ATP9B: variants seen among roughly 807,000 people sequenced by gnomAD.
The protein encoded by ATP9B is ATPase phospholipid transporting 9B, also known as probable phospholipid-transporting ATPase IIB.
Under a neutral mutation model 146.1 loss-of-function variants are expected in ATP9B, and 110 were observed. The ratio of observed to expected loss-of-function variants is 0.75; its 90% CI spans 0.65 to 0.88. ATP9B has a LOEUF of 0.88. Ranked by LOEUF, ATP9B falls within the 40% of genes least tolerant of loss-of-function variation. The pLI is 0.00. For missense variants in ATP9B, 1,499 were observed against 1,496.4 expected, an observed-to-expected ratio of 1.00 and a Z score of -0.03; for synonymous variants, 604 against 569.7, an observed-to-expected ratio of 1.06 and a Z score of -0.86.
In ATP9B at chr18:79,344,364, G is replaced by GACCC; in HGVS notation, c.2472+11_2472+14dup. On this transcript the variant is annotated intron_variant, in intron 21 of 29. Transcript: ENST00000426216. The stretch of plus-strand genomic sequence containing the variant: ...TGGGGACTCTCTGGAGGTAAGGCTG[G>GACCC]ACCCTGAGTGAGTACATGTCTGTCT... 6.2e-7 allele frequency: 1 copy of GACCC among 1,612,722 alleles called. No homozygotes were observed. The highest frequency in any genetic ancestry group is 8.5e-7 in the Non-Finnish European group (1 of 1,178,794).
intron 8 of ATP9B, among the ~76,000 whole-genome samples, chr18:79,178,100 A>G (rs907221443): frequency 6.6e-6 from 1 of 152,122 alleles, no homozygotes; most frequent in Non-Finnish European, 1.5e-5. Flanking sequence ...GCTATTAAAT[A>G]GTGAAGTTAT....
At chr18:79,114,557 A>C (rs1328472283) in intron 4 of ATP9B, among the ~76,000 whole-genome samples, 1 of 152,228 alleles carries the variant, frequency 6.6e-6, no homozygotes, top group Non-Finnish European at 1.5e-5. Flanking sequence ...TTTACCTGTT[A>C]GTAAAGCCAT....
chr18:79,219,483 A>G (rs372041442), intron 11 of ATP9B, among the ~76,000 whole-genome samples: 5 of 152,186 alleles, frequency 3.3e-5, no homozygotes, highest in African/African-American at 1.2e-4. Context: ...AAAAATATTA[A>G]TCATATGGAA....
At position 79,348,143 on chromosome 18, in the gene ATP9B, C is replaced by T. The variant is rs774691264; in HGVS notation, c.2850C>T (p.Ser950=). 10 of 1,612,786 alleles carry T rather than the reference C, an allele frequency of 6.2e-6. No individual in the cohort carries two copies. Among genetic ancestry groups the T allele is most frequent in the Non-Finnish European group, 8.5e-6 (10 of 1,179,716 alleles). ...LIISTMQAVF[S]SVFYFASVPL... Reference sequence around the variant, plus strand: ...GGCTCTCTCTCCAGGCTGTGTTTTCCTCAGTCTTCTACTTCGCATCCGTCC... The same window carrying T: ...GGCTCTCTCTCCAGGCTGTGTTTTCTTCAGTCTTCTACTTCGCATCCGTCC... Residue 950 remains serine, a synonymous_variant, in exon 25 of 30, where the codon TCC becomes TCT. Coordinates refer to ENST00000426216, the MANE Select transcript of ATP9B (RefSeq NM_198531.5).
chr18:79,151,389 G>A (rs1163704850), intron 6 of ATP9B, among the ~76,000 whole-genome samples: 1 of 152,142 alleles, frequency 6.6e-6, no homozygotes, highest in African/African-American at 2.4e-5. Context: ...TTGTGTGGTT[G>A]TTACCCACCC....
intron 15 of ATP9B, among the ~76,000 whole-genome samples, chr18:79,316,819 C>T (rs1178081277): frequency 6.6e-6 from 1 of 152,110 alleles, no homozygotes; most frequent in African/African-American, 2.4e-5. Flanking sequence ...ATTGAGTAAG[C>T]AGTAATTCAA....
intron 13 of ATP9B, among the ~76,000 whole-genome samples, chr18:79,288,394 C>T (rs1278558319): frequency 1.3e-5 from 2 of 152,026 alleles, no homozygotes; most frequent in African/African-American, 4.8e-5. Context: ...TTTTGATCTT[C>T]GTTGGTTTAA....
Position 79,374,001 on chromosome 18 carries a change from G to A in ATP9B, c.3174G>A (p.Val1058=). 1 of 1,614,148 alleles carries A rather than the reference G, an allele frequency of 6.2e-7. No homozygotes were observed. The highest frequency in any genetic ancestry group is 8.5e-7 in the Non-Finnish European group (1 of 1,180,038). ...TALILTELLM[V]ALTVRTWHWL... is the part of the protein sequence containing the mutation. ...TGATCCTGACCGAGCTGCTGATGGT[G>A]GCGCTGACCGTCCGCACGTGGCACT... is the stretch of plus-strand genomic sequence containing the variant. Residue 1058 remains valine (V), a synonymous_variant, in exon 28 of 30, where the codon GTG becomes GTA. Coordinates refer to ENST00000426216, the MANE Select transcript of ATP9B (RefSeq NM_198531.5).
chr18:79,346,390 A>G (rs1295557782), intron 23 of ATP9B, among the ~76,000 whole-genome samples: 1 of 151,466 alleles, frequency 6.6e-6, no homozygotes, highest in Admixed American at 6.6e-5. Flanking sequence ...ACACTTGTTT[A>G]GCACTACTAT....
At chr18:79,256,526 G>A (rs2096082916) in intron 12 of ATP9B, among the ~76,000 whole-genome samples, 1 of 151,118 alleles carries the variant, frequency 6.6e-6, no homozygotes, top group South Asian at 2.1e-4. Flanking sequence ...AATCTTTGGA[G>A]TTTTTTAAAT....
Position 79,183,960 on chromosome 18 carries a change from A to G in ATP9B, c.873+7053A>G, listed in dbSNP as rs565127684. Among the ~76,000 whole-genome samples, 5 of 152,324 alleles carry G rather than the reference A, an allele frequency of 3.3e-5. No individual in the cohort carries two copies. In the South Asian group the frequency reaches 1.0e-3, roughly 32 times the overall value. ...TATCTGTTTCTCCATAACTTTACCCAGTACACATTGCAAATATATTCTCCA... is the reference window on the plus strand; with the variant it reads ...TATCTGTTTCTCCATAACTTTACCCGGTACACATTGCAAATATATTCTCCA... On this transcript the variant is annotated intron_variant, in intron 8 of 29. Coordinates refer to ENST00000426216, the MANE Select transcript of ATP9B (RefSeq NM_198531.5).
chr18:79,208,853 T>C (rs1442977283), intron 10 of ATP9B, among the ~76,000 whole-genome samples: 1 of 152,176 alleles, frequency 6.6e-6, no homozygotes, highest in Non-Finnish European at 1.5e-5. Flanking sequence ...CAGGACAGTT[T>C]CTGGGCTCTG....
rs758450595 is a variant in ATP9B at position 79,206,948 on chromosome 18, C to T, written c.966C>T (p.Asp322=). 4 of 1,613,966 alleles carry T rather than the reference C, an allele frequency of 2.5e-6. No homozygotes were observed. Among genetic ancestry groups the T allele is most frequent in the Non-Finnish European group, 3.4e-6 (4 of 1,179,924 alleles). ...GTCTCCCTGCACAGGAAGACAGTGA[C>T]CCGCCCATTCATGAAAGTCTCAGCA... The part of the protein sequence containing the change: ...FEGTFTREDS[D]PPIHESLSIE... The change falls in exon 10 of 30, where the codon GAC becomes GAT. Residue 322 remains aspartate, a synonymous_variant. Coordinates refer to ENST00000426216, the MANE Select transcript of ATP9B (RefSeq NM_198531.5).
At chr18:79,230,996 T>G (rs1194128691) in intron 11 of ATP9B, among the ~76,000 whole-genome samples, 1 of 152,118 alleles carries the variant, frequency 6.6e-6, no homozygotes, top group Non-Finnish European at 1.5e-5. Flanking sequence ...TATACAAAAA[T>G]CAACTCAAGA....
chr18:79,157,201 A>G (rs1179301616), intron 7 of ATP9B, among the ~76,000 whole-genome samples: 2 of 131,492 alleles, frequency 1.5e-5, no homozygotes, highest in African/African-American at 6.4e-5. Context: ...TCTCTACTAA[A>G]AAAAATACAC....
intron 1 of ATP9B, among the ~76,000 whole-genome samples, chr18:79,083,426 G>T (rs1225016971): frequency 6.6e-6 from 1 of 152,156 alleles, no homozygotes; most frequent in South Asian, 2.1e-4. Flanking sequence ...GTTCTGTCTT[G>T]TTGGCATTCC....
intron 3 of ATP9B, among the ~76,000 whole-genome samples, chr18:79,112,544 C>T (rs2093993141): frequency 6.6e-6 from 1 of 152,046 alleles, no homozygotes; most frequent in Non-Finnish European, 1.5e-5. Flanking sequence ...GAATTAACTA[C>T]CCAAAGACCA....
intron 2 of ATP9B, among the ~76,000 whole-genome samples, chr18:79,096,992 T>G (rs986843292): frequency 1.3e-5 from 2 of 152,026 alleles, no homozygotes; most frequent in Admixed American, 1.3e-4. Flanking sequence ...ACCCCATTTC[T>G]ACTAAAAATA....
intron 11 of ATP9B, among the ~76,000 whole-genome samples, chr18:79,237,960 A>T (rs573002072): frequency 1.3e-4 from 20 of 152,216 alleles, no homozygotes; most frequent in Middle Eastern, 3.4e-3. Context: ...AAAGTATTGG[A>T]ATTACAGATG....
Sources: gnomAD v4.1 joint callset for allele counts (sites outside exome capture counted in the v4.1 genomes callset) on GRCh38, gnomAD v4.1.1 for gene constraint, MANE v1.5 for transcripts, NCBI Gene and HGNC (gene_info 2026-07-23, HGNC 2026-07-21) for gene names.